Variants in CRYZ observed in about 807,000 individuals in gnomAD.
CRYZ encodes the protein zeta-crystallin.
CRYZ carries 35 observed loss-of-function variants against 34.1 expected under a neutral mutation model. The ratio of observed to expected loss-of-function variants is 1.03; its 90% CI spans 0.78 to 1.36. The LOEUF is 1.36. CRYZ is among the 40% of genes most tolerant of loss of function. The probability of loss-of-function intolerance (pLI) is 0.00; values close to 1 mark genes in which losing one functional copy is unlikely to be tolerated. For synonymous variants in CRYZ, 137 were observed against 136.5 expected (o/e 1.00, Z -0.03); for missense variants, 403 against 391.8 (o/e 1.03, Z -0.24).
At chr1:74,727,632 G>C (rs953169435) in intron 1 of CRYZ, among the ~76,000 whole-genome samples, 6 of 105,514 alleles carry the variant, frequency 5.7e-5, no homozygotes, top group African/African-American at 1.7e-4. Flanking sequence ...GCAACACAGC[G>C]AGACTCTGTC....
intron 1 of CRYZ, among the ~76,000 whole-genome samples, chr1:74,725,312 T>C (rs1216480903): frequency 6.6e-6 from 1 of 152,202 alleles, no homozygotes; most frequent in East Asian, 1.9e-4. Context: ...ACAGGTTTAA[T>C]GGACTTGCAG....
chr1:74,730,505 A>T (rs935967698), intron 1 of CRYZ: 2 of 152,232 alleles, frequency 1.3e-5, no homozygotes, highest in South Asian at 2.1e-4. Context: ...GTAATACCGG[A>T]TTTCTTCTAA....
In CRYZ at chr1:74,719,252, T is replaced by C. The variant is rs780868788; in HGVS notation, c.385A>G (p.Ile129Val). The change falls in exon 4 of 9, where the codon ATC becomes GTC. Residue 129 changes from isoleucine (I) to valine (V), a missense_variant. Transcript: ENST00000340866. Reference sequence around the variant, plus strand: ...TAAGCAGTAAAATATGGAATGCCGATGGCAGCTCCTTGTTTAAAGTCCAGT... The same window carrying C: ...TAAGCAGTAAAATATGGAATGCCGACGGCAGCTCCTTGTTTAAAGTCCAGT... The part of the protein sequence containing the change: ...EKLDFKQGAA[I>V]GIPYFTAYRA... The C allele has an allele frequency of 1.9e-6, 3 of 1,613,912 alleles. No individual in the cohort carries two copies. The highest frequency in any genetic ancestry group is 2.5e-6 in the Non-Finnish European group (3 of 1,179,818).
At chr1:74,724,336 C>T (rs1028759808) in intron 2 of CRYZ, among the ~76,000 whole-genome samples, 2 of 152,096 alleles carry the variant, frequency 1.3e-5, no homozygotes, top group African/African-American at 4.8e-5. Flanking sequence ...ATGAATCACA[C>T]ATGAAAAAGC....
chr1:74,711,654 G>A (rs925366679), intron 5 of CRYZ, among the ~76,000 whole-genome samples: 4 of 152,184 alleles, frequency 2.6e-5, no homozygotes, highest in Non-Finnish European at 5.9e-5. Context: ...GGGAGGCTGA[G>A]GCAGGAGGAT....
intron 5 of CRYZ, among the ~76,000 whole-genome samples, chr1:74,712,180 A>G (rs1298077002): frequency 6.6e-6 from 1 of 152,242 alleles, no homozygotes; most frequent in Non-Finnish European, 1.5e-5. Context: ...AATATATCTG[A>G]TTAGATGACA....
rs917046638 is a variant in CRYZ at position 74,706,168 on chromosome 1, A to C, written c.*128T>G. ...ACTCTTCTGCTTCTGCTCTCTAAAG[A>C]AAAATCTTATTTTTTCACATAAGAA... On this transcript the variant is annotated 3_prime_UTR_variant, in exon 9 of 9. Coordinates refer to ENST00000340866, the MANE Select transcript of CRYZ (RefSeq NM_001889.4). 1 of 829,054 alleles carries C rather than the reference A, an allele frequency of 1.2e-6. No homozygotes were observed. The highest frequency in any genetic ancestry group is 1.7e-5 in the African/African-American group (1 of 57,710). 51.4% of individuals were successfully genotyped at this position (829,054 alleles called of 1,614,324 possible).
chr1:74,708,453 T>C (rs148549627), intron 6 of CRYZ: 4,069 of 152,180 alleles, frequency 0.027, 71 homozygotes, highest in Middle Eastern at 0.037. Flanking sequence ...ACAGCATAGA[T>C]AAAAGGGTGT....
In CRYZ at chr1:74,719,381, A is replaced by C. The variant is rs774814988; in HGVS notation, c.265-9T>G. 12 of 1,604,258 alleles carry C rather than the reference A, an allele frequency of 7.5e-6. No individual in the cohort carries two copies. In the South Asian group the frequency reaches 7.7e-5, roughly 10 times the overall value. On this transcript the variant is annotated splice_polypyrimidine_tract_variant and intron_variant, in intron 3 of 8. Transcript: ENST00000340866. The stretch of plus-strand genomic sequence containing the variant: ...AAAACTCTGTCACCTTTCTAGGGGA[A>C]GAGATAAATGAATAAATGCAGGAAG...
chr1:74,731,770 T>C (rs978174721), intron 1 of CRYZ, among the ~76,000 whole-genome samples: 2 of 152,206 alleles, frequency 1.3e-5, no homozygotes, highest in Non-Finnish European at 2.9e-5. Context: ...CAATTTCCAT[T>C]AGCTACGGAC....
At chr1:74,722,637 G>A (rs277402) in intron 3 of CRYZ, among the ~76,000 whole-genome samples, 34,286 of 151,572 alleles carry the variant, frequency 0.23, 4,027 homozygotes, top group Middle Eastern at 0.29. Context: ...TATATATCCT[G>A]AGCATAACAT....
At chr1:74,718,997 T>A (rs1647115859) in intron 4 of CRYZ, among the ~76,000 whole-genome samples, 1 of 152,172 alleles carries the variant, frequency 6.6e-6, no homozygotes, top group Non-Finnish European at 1.5e-5. Flanking sequence ...TACTAGACTG[T>A]GAGCATCTTG....
intron 1 of CRYZ, among the ~76,000 whole-genome samples, chr1:74,729,056 G>T (rs1647543301): frequency 6.7e-6 from 1 of 149,312 alleles, no homozygotes; most frequent in Non-Finnish European, 1.5e-5. Context: ...AAAGTATCAA[G>T]AAAATAAAAA....
chr1:74,724,595 T>G (rs1474487884), intron 2 of CRYZ, 116 bp downstream of exon 2: 6 of 663,136 alleles, frequency 9.0e-6, no homozygotes, highest in East Asian at 5.4e-5. Flanking sequence ...TAGTGTAAAC[T>G]GCATCCTAAT....
At chr1:74,718,340 A>C (rs76783193) in intron 4 of CRYZ, among the ~76,000 whole-genome samples, 2,706 of 152,174 alleles carry the variant, frequency 0.018, 64 homozygotes, top group Non-Finnish European at 0.029. Flanking sequence ...TCCATCCTAC[A>C]CACAGCAGAT....
intron 3 of CRYZ, among the ~76,000 whole-genome samples, chr1:74,721,291 A>C (rs1342973157): frequency 6.6e-6 from 1 of 152,218 alleles, no homozygotes; most frequent in East Asian, 1.9e-4. Context: ...ATGAACAAAA[A>C]CACAGAGATG....
rs755741766 is a variant in CRYZ, at chr1:74,710,140, T to C, written c.588A>G (p.Glu196=). 2 of 1,613,830 alleles carry C rather than the reference T, an allele frequency of 1.2e-6. No homozygotes were observed. The highest frequency in any genetic ancestry group is 4.5e-5 in the East Asian group (2 of 44,830). ...QKIVLQNGAH[E]VFNHREVNYI... Reference sequence around the variant, plus strand: ...AATTCACTTCTCTGTGATTGAACACTTCATGGGCTCCATTTTGCAAAACAA... The same window carrying C: ...AATTCACTTCTCTGTGATTGAACACCTCATGGGCTCCATTTTGCAAAACAA... Residue 196 remains glutamate, a synonymous_variant, in exon 6 of 9, where the codon GAA becomes GAG. Coordinates refer to ENST00000340866, the MANE Select transcript of CRYZ (RefSeq NM_001889.4).
intron 5 of CRYZ, among the ~76,000 whole-genome samples, chr1:74,712,132 T>C (rs532663276): frequency 1.3e-5 from 2 of 152,302 alleles, no homozygotes; most frequent in East Asian, 1.9e-4. Context: ...TTTAAGAATA[T>C]AGACAAAAGA....
At chr1:74,707,452 C>T (rs550357592) in intron 6 of CRYZ, 4 of 253,966 alleles carry the variant, frequency 1.6e-5, no homozygotes, top group Middle Eastern at 1.3e-3. Flanking sequence ...TAAAGTTTGT[C>T]TGGAATTTTC....
Sources: allele counts gnomAD v4.1 joint callset (sites outside exome capture counted in the v4.1 genomes callset), GRCh38; gene constraint gnomAD v4.1.1; transcripts MANE v1.5; gene names NCBI Gene and HGNC (gene_info 2026-07-23, HGNC 2026-07-21).